Variants in TMEM178B observed in about 807,000 individuals in gnomAD.
TMEM178B encodes the protein transmembrane protein 178B.
TMEM178B carries 5 observed loss-of-function variants against 31.0 expected under a neutral mutation model. That is an observed-to-expected ratio of 0.16 (90% CI 0.08 to 0.34). TMEM178B has a LOEUF of 0.34. Among genes scored for constraint, TMEM178B ranks in the 10% least tolerant of loss-of-function variants. TMEM178B has a pLI of 1.00. For synonymous variants in TMEM178B, 164 were observed against 164.0 expected (o/e 1.00, Z 0.00); for missense variants, 275 against 400.3 (o/e 0.69, Z 2.67).
At chr7:141,398,236 C>T (rs1203496163) in intron 2 of TMEM178B, among the ~76,000 whole-genome samples, 1 of 152,218 alleles carries the variant, frequency 6.6e-6, no homozygotes, top group Non-Finnish European at 1.5e-5. Context: ...TTCATGGCAA[C>T]TCCTTCAGGA....
downstream of TMEM178B, among the ~76,000 whole-genome samples, chr7:141,481,230 C>A (rs1181178566): frequency 6.6e-6 from 1 of 152,196 alleles, no homozygotes; most frequent in Non-Finnish European, 1.5e-5. Flanking sequence ...GTGTCAGAAT[C>A]CCACATGGGT....
chr7:141,185,897 C>T lies in TMEM178B; in HGVS notation c.383-26694C>T, dbSNP rs963657970. 3.3e-5 allele frequency among the ~76,000 whole-genome samples: 5 copies of T among 152,180 alleles called. No homozygotes were observed. The East Asian group carries it at 9.7e-4, about 30-fold the overall frequency. On this transcript the variant is annotated intron_variant, in intron 1 of 3. Coordinates refer to ENST00000565468, the MANE Select transcript of TMEM178B (RefSeq NM_001195278.2). ...TTTCTGGGGAGCTGATATTAAATGC[C>T]TCAATCAGAGACCTGCACAGAGCAG...
At chr7:141,325,758 T>A (rs1799178573) in intron 2 of TMEM178B, among the ~76,000 whole-genome samples, 1 of 152,162 alleles carries the variant, frequency 6.6e-6, no homozygotes, top group Non-Finnish European at 1.5e-5. Context: ...GCCAAGCAGC[T>A]TTTCCACCTG....
chr7:141,249,145 C>A (rs892081987), intron 2 of TMEM178B, among the ~76,000 whole-genome samples: 2 of 152,146 alleles, frequency 1.3e-5, no homozygotes, highest in Non-Finnish European at 2.9e-5. Context: ...AATTGTAGCT[C>A]CCATAATTCC....
chr7:141,296,952 C>G (rs1031787261), intron 2 of TMEM178B: 3 of 152,222 alleles, frequency 2.0e-5, no homozygotes, highest in Admixed American at 6.5e-5. Context: ...CGAGCTTGTT[C>G]TGGAGGGAGA....
At chr7:141,187,177 T>G (rs1796624037) in intron 1 of TMEM178B, among the ~76,000 whole-genome samples, 1 of 143,730 alleles carries the variant, frequency 7.0e-6, no homozygotes, top group Non-Finnish European at 1.5e-5. Context: ...CACCTATGAG[T>G]GAGAACATGT....
At chr7:141,444,350 T>C (rs1437980914) in intron 3 of TMEM178B, among the ~76,000 whole-genome samples, 1 of 152,226 alleles carries the variant, frequency 6.6e-6, no homozygotes, top group Non-Finnish European at 1.5e-5. Flanking sequence ...GGAACAAATA[T>C]ATAGGAAAAG....
At chr7:141,277,182 G>T (rs217000) in intron 2 of TMEM178B, among the ~76,000 whole-genome samples, 103,406 of 152,088 alleles carry the variant, frequency 0.68, 36,558 homozygotes, top group African/African-American at 0.87. Context: ...TTTTAAAAAC[G>T]TTTTGACTGT....
intron 1 of TMEM178B, among the ~76,000 whole-genome samples, chr7:141,100,201 T>C (rs1795031590): frequency 6.6e-6 from 1 of 151,604 alleles, no homozygotes; most frequent in Admixed American, 6.6e-5. Context: ...CCCACATCTG[T>C]AACATCTTTT....
chr7:141,103,187 A>C (rs1368431386), intron 1 of TMEM178B, among the ~76,000 whole-genome samples: 1 of 152,054 alleles, frequency 6.6e-6, no homozygotes, highest in Non-Finnish European at 1.5e-5. Flanking sequence ...GGTGGGGTCA[A>C]CTCATCTCTT....
intron 2 of TMEM178B, among the ~76,000 whole-genome samples, chr7:141,385,953 G>T (rs1351785751): frequency 1.3e-5 from 2 of 152,206 alleles, no homozygotes; most frequent in Non-Finnish European, 2.9e-5. Flanking sequence ...CTCTTCTTCT[G>T]GGGCTTCTTT....
At chr7:141,238,586 G>A (rs1797567085) in intron 2 of TMEM178B, among the ~76,000 whole-genome samples, 1 of 152,206 alleles carries the variant, frequency 6.6e-6, no homozygotes, top group African/African-American at 2.4e-5. Context: ...AGAAAACAGG[G>A]AAAGACCAGG....
intron 1 of TMEM178B, among the ~76,000 whole-genome samples, chr7:141,109,532 T>C (rs745886351): frequency 1.5e-4 from 23 of 152,194 alleles, no homozygotes; most frequent in Non-Finnish European, 2.6e-4. Flanking sequence ...GTATACTTAA[T>C]TCAGTTTAAT....
chr7:141,273,079 A>G (rs1417573852), intron 2 of TMEM178B, among the ~76,000 whole-genome samples: 1 of 152,268 alleles, frequency 6.6e-6, no homozygotes, highest in Non-Finnish European at 1.5e-5. Context: ...TTGCAACAAC[A>G]TGTATAAACG....
At chr7:141,099,217 C>T (rs1563087203) in intron 1 of TMEM178B, among the ~76,000 whole-genome samples, 1 of 152,132 alleles carries the variant, frequency 6.6e-6, no homozygotes, top group Non-Finnish European at 1.5e-5. Context: ...TTGGCAGACC[C>T]TGTATTATTT....
At chr7:141,109,271 A>G (rs1344416448) in intron 1 of TMEM178B, among the ~76,000 whole-genome samples, 1 of 152,058 alleles carries the variant, frequency 6.6e-6, no homozygotes, top group Non-Finnish European at 1.5e-5. Flanking sequence ...GTGGACCAAA[A>G]GGACAGGAAA....
the TMEM178B span, among the ~76,000 whole-genome samples, chr7:141,510,621 G>A: frequency 2.1e-5 from 3 of 141,766 alleles, no homozygotes; most frequent in African/African-American, 7.8e-5. Flanking sequence ...AGAGGCGGAG[G>A]TTGCGGTGAG....
chr7:141,434,193 C>T (rs899519205), intron 2 of TMEM178B, among the ~76,000 whole-genome samples: 1 of 152,102 alleles, frequency 6.6e-6, no homozygotes, highest in Admixed American at 6.6e-5. Flanking sequence ...GTTTTTCTGC[C>T]CAGCCCACTT....
At chr7:141,481,234 C>G (rs929683631), downstream of TMEM178B, among the ~76,000 whole-genome samples, 3 of 152,200 alleles carry the variant, frequency 2.0e-5, no homozygotes, top group Non-Finnish European at 4.4e-5. Flanking sequence ...CAGAATCCCA[C>G]ATGGGTGCGC....
Sources: gnomAD v4.1 joint callset for allele counts (sites outside exome capture counted in the v4.1 genomes callset) on GRCh38, gnomAD v4.1.1 for gene constraint, MANE v1.5 for transcripts, NCBI Gene and HGNC (gene_info 2026-07-23, HGNC 2026-07-21) for gene names.